TNFSF11: variants seen among roughly 807,000 people sequenced by gnomAD.
The protein encoded by TNFSF11 is TNF superfamily member 11, also known as tumor necrosis factor ligand superfamily member 11.
TNFSF11 carries 12 observed loss-of-function variants against 32.2 expected under a neutral mutation model. The observed-to-expected ratio is 0.37, with a 90% confidence interval of 0.24 to 0.60. The LOEUF (loss-of-function observed/expected upper bound fraction) is 0.60, where lower values mean the gene tolerates loss of function less well. TNFSF11 is among the 20% of genes least tolerant of loss of function. The pLI is 0.66. For missense variants in TNFSF11, 345 were observed against 398.0 expected, an observed-to-expected ratio of 0.87 and a Z score of 1.13; for synonymous variants, 172 against 152.1, an observed-to-expected ratio of 1.13 and a Z score of -0.96.
intron 2 of TNFSF11, among the ~76,000 whole-genome samples, chr13:42,595,091 T>G (rs1157267153): frequency 6.6e-6 from 1 of 152,224 alleles, no homozygotes; most frequent in East Asian, 1.9e-4. Context: ...TCATCTCTAT[T>G]GTTTTTAGAC....
chr13:42,580,997 T>C, intron 1 of TNFSF11, 129 bp from the exon 2 acceptor site: 1 of 936,290 alleles, frequency 1.1e-6, no homozygotes, highest in Non-Finnish European at 1.7e-6. Flanking sequence ...TTCATTGTAT[T>C]AACTATTCAT....
chr13:42,588,805 A>ATGG (rs1874024696), intron 2 of TNFSF11, among the ~76,000 whole-genome samples: 1 of 152,216 alleles, frequency 6.6e-6, no homozygotes, highest in Admixed American at 6.5e-5. Flanking sequence ...CAGGGAAGCC[A>ATGG]TGGTGAATGA....
chr13:42,567,031 AC>A (rs1872896778), intron 2 of TNFSF11, among the ~76,000 whole-genome samples: 1 of 151,880 alleles, frequency 6.6e-6, no homozygotes, highest in South Asian at 2.1e-4. Context: ...ATAAAATGAA[AC>A]TGCAAGTTAA....
rs1286800698 is a variant in TNFSF11 at position 42,607,760 on chromosome 13, A to T, written c.*842A>T. The T allele has an allele frequency of 6.5e-6, 1 of 152,782 alleles. No homozygotes were observed. The highest frequency in any genetic ancestry group is 2.4e-5 in the African/African-American group (1 of 41,464). 9.5% of individuals were successfully genotyped at this position (152,782 alleles called of 1,614,324 possible). A position where few individuals can be genotyped will look rare whatever the true frequency, so the allele number is the denominator to read the frequency against. On this transcript the variant is annotated 3_prime_UTR_variant, in exon 5 of 5. Coordinates refer to ENST00000398795, the MANE Select transcript of TNFSF11 (RefSeq NM_003701.4). Reference sequence around the variant, plus strand: ...GAAACTAATTGACTTTAGAAAGCTGACATTGCCAAAAAGGATACATAATGG... The same window carrying T: ...GAAACTAATTGACTTTAGAAAGCTGTCATTGCCAAAAAGGATACATAATGG...
intron 4 of TNFSF11, among the ~76,000 whole-genome samples, chr13:42,603,596 T>C (rs576294863): frequency 1.3e-5 from 2 of 152,224 alleles, no homozygotes; most frequent in South Asian, 4.2e-4. Flanking sequence ...CCCTCCCTTT[T>C]CTCAGCCCAT....
upstream of TNFSF11, among the ~76,000 whole-genome samples, chr13:42,571,972 A>G (rs1873085351): frequency 6.6e-6 from 1 of 152,254 alleles, no homozygotes; most frequent in Admixed American, 6.5e-5. Flanking sequence ...GAGGTGAATA[A>G]TACAGCAAGA....
At chr13:42,574,574 C>T (rs1478653977) in intron 1 of TNFSF11, 52 bp downstream of exon 1, 2 of 1,577,332 alleles carry the variant, frequency 1.3e-6, no homozygotes, top group Admixed American at 1.7e-5. Flanking sequence ...CATCTCCTTC[C>T]CCCGCACTTG....
At chr13:42,599,278 A>C (rs1307232788) in intron 2 of TNFSF11, among the ~76,000 whole-genome samples, 1 of 152,160 alleles carries the variant, frequency 6.6e-6, no homozygotes, top group Non-Finnish European at 1.5e-5. Flanking sequence ...CTTCCAGCTA[A>C]TAACAGTTGA....
chr13:42,582,274 C>A (rs545344304), intron 2 of TNFSF11, among the ~76,000 whole-genome samples: 7 of 152,188 alleles, frequency 4.6e-5, no homozygotes, highest in Non-Finnish European at 8.8e-5. Context: ...GAAGATGTAG[C>A]TGTTTTGTAA....
chr13:42,587,934 A>C (rs1009943733), intron 2 of TNFSF11, among the ~76,000 whole-genome samples: 1 of 152,186 alleles, frequency 6.6e-6, no homozygotes, highest in Non-Finnish European at 1.5e-5. Context: ...TTTGCCTATT[A>C]GTTAAAAAAA....
chr13:42,588,409 G>A (rs1475802953), intron 2 of TNFSF11, among the ~76,000 whole-genome samples: 2 of 152,218 alleles, frequency 1.3e-5, no homozygotes, highest in East Asian at 3.8e-4. Context: ...AAGATATTCT[G>A]CATGACATCT....
At chr13:42,598,659 A>T (rs577842960) in intron 2 of TNFSF11, among the ~76,000 whole-genome samples, 1,010 of 152,356 alleles carry the variant, frequency 6.6e-3, no homozygotes, top group Non-Finnish European at 0.012. Context: ...TAGCATTTGA[A>T]GGATAAGGGG....
intron 1 of TNFSF11, among the ~76,000 whole-genome samples, chr13:42,577,789 T>A (rs956278702): frequency 3.3e-5 from 5 of 152,160 alleles, no homozygotes; most frequent in African/African-American, 1.2e-4. Context: ...AGCACAAACG[T>A]CAAGCATCCT....
intron 2 of TNFSF11, among the ~76,000 whole-genome samples, chr13:42,592,115 GC>G (rs775774705): frequency 1.2e-3 from 180 of 152,268 alleles, no homozygotes; most frequent in Non-Finnish European, 3.7e-4. Flanking sequence ...TGTGGCGTTT[GC>G]CCTCACACAA....
chr13:42,594,092 T>C (rs1399304517), intron 2 of TNFSF11, among the ~76,000 whole-genome samples: 2 of 152,110 alleles, frequency 1.3e-5, no homozygotes, highest in Non-Finnish European at 2.9e-5. Flanking sequence ...TTAATTTATT[T>C]TTTTTGAGAT....
intron 1 of TNFSF11, among the ~76,000 whole-genome samples, chr13:42,577,812 C>T (rs1177381795): frequency 3.3e-5 from 5 of 152,058 alleles, no homozygotes; most frequent in Non-Finnish European, 2.9e-5. Context: ...CTCATTTAAC[C>T]CTACAAATGA....
chr13:42,588,097 A>C (rs1231417821), intron 2 of TNFSF11, among the ~76,000 whole-genome samples: 1 of 152,246 alleles, frequency 6.6e-6, no homozygotes, highest in African/African-American at 2.4e-5. Context: ...GTGGTTTTCC[A>C]ATAGGATTTC....
chr13:42,588,406 T>C (rs1874002564), intron 2 of TNFSF11, among the ~76,000 whole-genome samples: 1 of 152,234 alleles, frequency 6.6e-6, no homozygotes, highest in Non-Finnish European at 1.5e-5. Flanking sequence ...GAAAAGATAT[T>C]CTGCATGACA....
intron 1 of TNFSF11, among the ~76,000 whole-genome samples, chr13:42,564,902 A>G (rs1160665733): frequency 6.6e-6 from 1 of 152,206 alleles, no homozygotes; most frequent in Non-Finnish European, 1.5e-5. Flanking sequence ...CATACACTAG[A>G]AGATCTCTCT....
Sources: gnomAD v4.1 joint callset for allele counts (sites outside exome capture counted in the v4.1 genomes callset) on GRCh38, gnomAD v4.1.1 for gene constraint, MANE v1.5 for transcripts, NCBI Gene and HGNC (gene_info 2026-07-23, HGNC 2026-07-21) for gene names.